The following DMXL1 variants were observed in gnomAD, a reference collection of about 807,000 sequenced individuals.
DMXL1 encodes dmX-like protein 1.
In DMXL1, 99 loss-of-function variants were observed where a neutral mutation model predicts 319.2. That is an observed-to-expected ratio of 0.31 (90% CI 0.26 to 0.37). The LOEUF (loss-of-function observed/expected upper bound fraction) is 0.37. Among genes scored for constraint, DMXL1 ranks in the 10% least tolerant of loss-of-function variants. The pLI is 1.00. For synonymous variants in DMXL1, 1,385 were observed against 1,235.2 expected (o/e 1.12, Z -2.54); for missense variants, 3,745 against 3,595.6 (o/e 1.04, Z -1.06).
chr5:119,149,305 T>C lies in DMXL1; in HGVS notation c.3478T>C (p.Ser1160Pro). The change falls in exon 18 of 44, where the codon TCA becomes CCA. Residue 1160 changes from serine (S) to proline (P), a missense_variant. Physicochemically the swap from Ser to Pro is moderately conservative, Grantham distance 74. Around this residue, in one of 4 missense-constraint regions of DMXL1, gnomAD observed 2,096 missense variants for 1,985.4 expected, o/e 1.06. Coordinates refer to ENST00000539542, the MANE Select transcript of DMXL1 (RefSeq NM_001290321.3). ...TCATATCCTGACTGTAGGAATTGGA[T>C]CAAAACTTTTTATGTATGGACCCCT... ...GSHILTVGIG[S>P]KLFMYGPLAG... The C allele has an allele frequency of 6.2e-7, 1 of 1,613,950 alleles. No homozygotes were observed. The highest frequency in any genetic ancestry group is 8.5e-7 in the Non-Finnish European group (1 of 1,179,900).
At chr5:119,145,543 AC>A (rs1768333971) in intron 15 of DMXL1, among the ~76,000 whole-genome samples, 1 of 151,746 alleles carries the variant, frequency 6.6e-6, no homozygotes, top group Admixed American at 6.6e-5. Context: ...TATAAACAAA[AC>A]TATCCTTTTC....
chr5:119,158,566 T>G (rs1281962560), intron 19 of DMXL1, among the ~76,000 whole-genome samples: 1 of 152,232 alleles, frequency 6.6e-6, no homozygotes, highest in Admixed American at 6.5e-5. Context: ...CTTTCTGATC[T>G]TAGAGGAAAA....
chr5:119,173,764 A>ATG (rs1355531998), intron 25 of DMXL1, among the ~76,000 whole-genome samples: 5 of 107,656 alleles, frequency 4.6e-5, no homozygotes, highest in African/African-American at 2.0e-4. Flanking sequence ...GTATATATAT[A>ATG]TATGTGTGTG....
At chr5:119,088,715 T>C (rs1753913473) in intron 1 of DMXL1, among the ~76,000 whole-genome samples, 1 of 152,174 alleles carries the variant, frequency 6.6e-6, no homozygotes, top group African/African-American at 2.4e-5. Flanking sequence ...AAGTGCGTTA[T>C]TATCTTAAAG....
At chr5:119,178,308 G>A (rs373559381) in intron 28 of DMXL1, 64 bp downstream of exon 28, 524 of 1,503,762 alleles carry the variant, frequency 3.5e-4, no homozygotes, top group Non-Finnish European at 4.3e-4. Context: ...ATTCTCAAAC[G>A]TAATTACATT....
intron 3 of DMXL1, among the ~76,000 whole-genome samples, chr5:119,103,710 G>T (rs1245184938): frequency 6.6e-6 from 1 of 152,234 alleles, no homozygotes; most frequent in East Asian, 1.9e-4. Context: ...GTAATTGGCA[G>T]TACTAAAAAG....
In DMXL1 at chr5:119,129,195, T is replaced by C. The variant is rs376198574; in HGVS notation, c.1103-16T>C. The C allele has an allele frequency of 3.4e-5, 51 of 1,513,226 alleles. 1 individual carries two copies. The African/African-American group carries it at 6.7e-4, about 20-fold the overall frequency. The allele number at this position is 1,513,226 out of a possible 1,614,324, so 93.7% of individuals were successfully genotyped here. On this transcript the variant is annotated splice_polypyrimidine_tract_variant and intron_variant, in intron 9 of 43. Coordinates refer to ENST00000539542, the MANE Select transcript of DMXL1 (RefSeq NM_001290321.3). ...GAAGGTAAAAATTTTAATTTTATCT[T>C]TTTTTTCTCTTATAGACATTCCACT...
intron 38 of DMXL1, among the ~76,000 whole-genome samples, chr5:119,229,150 C>A: frequency 1.4e-5 from 2 of 143,168 alleles, no homozygotes; most frequent in Non-Finnish European, 1.5e-5. Context: ...CCCCATTCTC[C>A]ACAATAAAGG....
At chr5:119,116,431 G>A in intron 7 of DMXL1, 95 bp downstream of exon 7, 1 of 1,318,680 alleles carries the variant, frequency 7.6e-7, no homozygotes, top group Non-Finnish European at 1.1e-6. Context: ...ATAGTTACAG[G>A]ACTTCTGAGC....
intron 33 of DMXL1, 79 bp from the exon 34 acceptor site, chr5:119,206,755 C>T (rs1011848889): frequency 2.4e-6 from 2 of 836,086 alleles, no homozygotes; most frequent in Non-Finnish European, 3.7e-6. Flanking sequence ...TAAAATATAG[C>T]ATTGAAACAA....
intron 21 of DMXL1, 110 bp from the exon 22 acceptor site, chr5:119,166,506 C>G: frequency 1.2e-6 from 1 of 844,648 alleles, no homozygotes; most frequent in East Asian, 2.7e-5. Flanking sequence ...AAGTTATGAA[C>G]TGGCAGATGT....
chr5:119,243,475 G>T (rs916347899), intron 42 of DMXL1, among the ~76,000 whole-genome samples: 1 of 152,062 alleles, frequency 6.6e-6, no homozygotes, highest in Non-Finnish European at 1.5e-5. Flanking sequence ...TGTTCATTAT[G>T]CAATATTCTC....
Position 119,247,449 on chromosome 5 carries a change from A to G in DMXL1, c.*230A>G. Reference sequence around the variant, plus strand: ...TGTAAGTAATGCTGTAATAATACATATCATAGTATATTATAATCAGTATGT... The same window carrying G: ...TGTAAGTAATGCTGTAATAATACATGTCATAGTATATTATAATCAGTATGT... On this transcript the variant is annotated 3_prime_UTR_variant, in exon 44 of 44. Transcript: ENST00000539542. 1 of 376,854 alleles carries G rather than the reference A, an allele frequency of 2.7e-6. No homozygotes were observed. Among genetic ancestry groups the G allele is most frequent in the East Asian group, 4.6e-5 (1 of 21,894 alleles). The allele number at this position is 376,854 out of a possible 1,614,324, so 23.3% of individuals were successfully genotyped here. A position where few individuals can be genotyped will look rare whatever the true frequency, so the allele number is the denominator to read the frequency against.
At chr5:119,187,325 G>A (rs1295657039) in intron 28 of DMXL1, among the ~76,000 whole-genome samples, 1 of 152,120 alleles carries the variant, frequency 6.6e-6, no homozygotes, top group Non-Finnish European at 1.5e-5. Flanking sequence ...GGGTTAGTTT[G>A]CACCCAAGGA....
At chr5:119,221,281 T>C (rs547368908) in intron 37 of DMXL1, among the ~76,000 whole-genome samples, 200 bp downstream of exon 37, 8 of 152,324 alleles carry the variant, frequency 5.3e-5, no homozygotes, top group African/African-American at 1.7e-4. Context: ...TTTAAAAATA[T>C]ACTTTGCTTG....
chr5:119,073,378 A>G (rs1357774148), intron 1 of DMXL1, among the ~76,000 whole-genome samples: 3 of 152,180 alleles, frequency 2.0e-5, no homozygotes, highest in Non-Finnish European at 4.4e-5. Context: ...ATTTTTTCTA[A>G]GAAGGCATTC....
Position 119,133,677 on chromosome 5 carries a change from T to C in DMXL1, c.1753T>C (p.Ser585Pro). 6.2e-7 allele frequency: 1 copy of C among 1,614,180 alleles called. No individual in the cohort carries two copies. Residue 585 changes from serine (S) to proline (P), a missense_variant, in exon 12 of 44, where the codon TCT (serine) becomes CCT (proline). Ser to Pro is a moderately conservative substitution (Grantham distance 74). Around this residue, in one of 4 missense-constraint regions of DMXL1, gnomAD observed 2,096 missense variants for 1,985.4 expected, o/e 1.06. Coordinates refer to ENST00000539542, the MANE Select transcript of DMXL1 (RefSeq NM_001290321.3). ...MLISSGHNKS[S>P]NSLKLSIFTP... ...TATTTCTTCTGGTCACAATAAATCA[T>C]CTAATAGTTTAAAATTAAGTATTTT...
At chr5:119,087,126 A>T (rs902889837) in intron 1 of DMXL1, among the ~76,000 whole-genome samples, 9 of 151,446 alleles carry the variant, frequency 5.9e-5, no homozygotes, top group Admixed American at 5.9e-4. Context: ...TTTCATTAAA[A>T]AGTTTCATTT....
intron 42 of DMXL1, among the ~76,000 whole-genome samples, chr5:119,241,749 A>G (rs1218462885): frequency 6.6e-6 from 1 of 152,150 alleles, no homozygotes; most frequent in African/African-American, 2.4e-5. Flanking sequence ...CACTAAATAC[A>G]ATGAAAAATT....
Sources: gnomAD v4.1 joint callset for allele counts (sites outside exome capture counted in the v4.1 genomes callset) on GRCh38, gnomAD v4.1.1 for gene constraint, gnomAD v4.1.1 regional missense constraint, MANE v1.5 for transcripts, NCBI Gene and HGNC (gene_info 2026-07-23, HGNC 2026-07-21) for gene names.